The following EIF4G3 variants were observed in gnomAD, a reference collection of about 807,000 sequenced individuals.
EIF4G3 encodes eIF-4-gamma 3.
In EIF4G3, 34 loss-of-function variants were observed where a neutral mutation model predicts 186.4. The observed-to-expected ratio is 0.18, with a 90% confidence interval of 0.14 to 0.24. The LOEUF is 0.24. EIF4G3 is among the 10% of genes least tolerant of loss of function. The probability of loss-of-function intolerance (pLI) is 1.00; values close to 1 mark genes in which losing one functional copy is unlikely to be tolerated. For synonymous variants in EIF4G3, 673 were observed against 679.5 expected (o/e 0.99, Z 0.15); for missense variants, 1,536 against 1,948.5 (o/e 0.79, Z 3.99).
chr1:21,122,379 C>T (rs975194334), intron 2 of EIF4G3, among the ~76,000 whole-genome samples: 2 of 152,168 alleles, frequency 1.3e-5, no homozygotes, highest in African/African-American at 4.8e-5. Flanking sequence ...TAATTTCTAT[C>T]CTCCCATATA....
Position 20,925,170 on chromosome 1 carries a change from T to C in EIF4G3, c.1663+16321A>G, listed in dbSNP as rs573529073. On this transcript the variant is annotated intron_variant, in intron 14 of 36. Transcript: ENST00000602326. ...TCCTTTATTTATACTATACGTACTG[T>C]TTTACACCTTGGTATGGCTTTAAAA... is the stretch of plus-strand genomic sequence containing the variant. 1.0e-3 allele frequency among the ~76,000 whole-genome samples: 155 copies of C among 152,330 alleles called. 1 individual carries two copies. Among genetic ancestry groups the C allele is most frequent in the African/African-American group, 3.5e-3 (146 of 41,566 alleles).
chr1:21,108,443 T>C (rs774636838), intron 2 of EIF4G3, among the ~76,000 whole-genome samples: 3 of 152,202 alleles, frequency 2.0e-5, no homozygotes, highest in Non-Finnish European at 2.9e-5. Flanking sequence ...AGGAGGGGAA[T>C]GTTGATAAAA....
chr1:21,077,915 C>T (rs1055695034), intron 3 of EIF4G3, among the ~76,000 whole-genome samples: 5 of 151,194 alleles, frequency 3.3e-5, no homozygotes, highest in African/African-American at 9.7e-5. Context: ...AAGACACTGC[C>T]GAGAAAGCAG....
intron 12 of EIF4G3, among the ~76,000 whole-genome samples, chr1:20,960,783 T>C (rs1391987724): frequency 6.6e-6 from 1 of 151,502 alleles, no homozygotes; most frequent in Non-Finnish European, 1.5e-5. Context: ...ACAGAAAATT[T>C]AACAATTCCG....
At chr1:21,033,238 A>G (rs2092895972) in intron 4 of EIF4G3, among the ~76,000 whole-genome samples, 1 of 152,222 alleles carries the variant, frequency 6.6e-6, no homozygotes, top group Admixed American at 6.5e-5. Context: ...TAAATCACAC[A>G]TAATAAATAC....
At chr1:20,848,489 T>C (rs1041114551) in intron 29 of EIF4G3, among the ~76,000 whole-genome samples, 13 of 152,300 alleles carry the variant, frequency 8.5e-5, no homozygotes, top group African/African-American at 3.1e-4. Context: ...AGTGGAGTTA[T>C]TTGTTTATGG....
intron 11 of EIF4G3, among the ~76,000 whole-genome samples, chr1:20,970,689 C>T (rs761873935): frequency 2.6e-5 from 4 of 151,870 alleles, no homozygotes; most frequent in Admixed American, 1.3e-4. Context: ...TCTGGCCGGG[C>T]GCAGTGGCTC....
At chr1:20,815,526 G>A (rs1308983819) in intron 34 of EIF4G3, among the ~76,000 whole-genome samples, 7 of 151,882 alleles carry the variant, frequency 4.6e-5, no homozygotes, top group Non-Finnish European at 1.5e-5. Context: ...TCTGAGAAGT[G>A]AGGAAACCCT....
intron 12 of EIF4G3, among the ~76,000 whole-genome samples, chr1:20,955,095 T>G (rs896887424): frequency 7.2e-5 from 11 of 152,092 alleles, no homozygotes; most frequent in Non-Finnish European, 1.3e-4. Flanking sequence ...GAATCTGGTG[T>G]GAAATGAGGC....
intron 4 of EIF4G3, among the ~76,000 whole-genome samples, chr1:21,047,134 G>A (rs1384996494): frequency 6.6e-6 from 1 of 152,070 alleles, no homozygotes; most frequent in African/African-American, 2.4e-5. Context: ...GCCAGCCCTA[G>A]AACCTATGGT....
At chr1:20,836,311 G>A (rs772362553) in intron 30 of EIF4G3, among the ~76,000 whole-genome samples, 3 of 151,922 alleles carry the variant, frequency 2.0e-5, no homozygotes, top group South Asian at 2.1e-4. Flanking sequence ...TGATGCTCTC[G>A]CAGTTCACTA....
chr1:21,106,949 T>C lies in EIF4G3; in HGVS notation c.-271-17736A>G, dbSNP rs897610363. ...ACAAGGGCAACTTACCTATCAGCCC[T>C]ACAGAAAACCAGAGAATCAAGTTTT... is the stretch of plus-strand genomic sequence containing the variant. On this transcript the variant is annotated intron_variant, in intron 2 of 36. Coordinates refer to ENST00000602326, the MANE Select transcript of EIF4G3 (RefSeq NM_001391906.1). 2.6e-5 allele frequency among the ~76,000 whole-genome samples: 4 copies of C among 152,128 alleles called. No homozygotes were observed. The East Asian group carries it at 7.7e-4, about 29-fold the overall frequency.
intron 30 of EIF4G3, among the ~76,000 whole-genome samples, chr1:20,839,031 T>G (rs1466328625): frequency 6.6e-6 from 1 of 152,022 alleles, no homozygotes; most frequent in African/African-American, 2.4e-5. Context: ...CAGAATGGAG[T>G]GCAGTGGCGC....
Position 20,985,499 on chromosome 1 carries a change from G to A in EIF4G3, c.178-3091C>T, listed in dbSNP as rs77022995. On this transcript the variant is annotated intron_variant, in intron 7 of 36. Coordinates refer to ENST00000602326, the MANE Select transcript of EIF4G3 (RefSeq NM_001391906.1). ...CACCAGAAGAGATTCTAGAAAAGCC[G>A]TAATGACTAGAAATGCAAAAAAAAA... is the stretch of plus-strand genomic sequence containing the variant. Among the ~76,000 whole-genome samples, 4 of 147,044 alleles carry A rather than the reference G, an allele frequency of 2.7e-5. No individual in the cohort carries two copies. In the East Asian group the frequency reaches 7.9e-4, roughly 29 times the overall value.
At chr1:21,026,111 G>GA (rs1557593002) in intron 4 of EIF4G3, among the ~76,000 whole-genome samples, 1 of 151,964 alleles carries the variant, frequency 6.6e-6, no homozygotes, top group Non-Finnish European at 1.5e-5. Flanking sequence ...TAGCTGAAAA[G>GA]AAAAAAGCTG....
rs754649257 is a variant in EIF4G3 at position 21,002,774 on chromosome 1, G to A, written c.-32C>T. The A allele has an allele frequency of 1.1e-5, 17 of 1,613,510 alleles. No individual in the cohort carries two copies. The highest frequency in any genetic ancestry group is 1.4e-5 in the Non-Finnish European group (17 of 1,179,704). On this transcript the variant is annotated 5_prime_UTR_variant, in exon 5 of 37. Coordinates refer to ENST00000602326, the MANE Select transcript of EIF4G3 (RefSeq NM_001391906.1). Reference sequence around the variant, plus strand: ...AGGGGTTTGAGGGTATACCAGCGTGGTTGGACCTGCATTCTGTCCAGAGGG... The same window carrying A: ...AGGGGTTTGAGGGTATACCAGCGTGATTGGACCTGCATTCTGTCCAGAGGG...
intron 10 of EIF4G3, among the ~76,000 whole-genome samples, chr1:20,974,255 A>G (rs1005453515): frequency 2.6e-5 from 4 of 152,204 alleles, no homozygotes; most frequent in African/African-American, 9.7e-5. Flanking sequence ...AACAACATTT[A>G]AACAAGACTA....
intron 19 of EIF4G3, among the ~76,000 whole-genome samples, chr1:20,880,443 C>G (rs776055474): frequency 6.6e-6 from 1 of 152,158 alleles, no homozygotes; most frequent in Non-Finnish European, 1.5e-5. Context: ...CCAAAATCTA[C>G]AAAATATTTA....
intron 2 of EIF4G3, among the ~76,000 whole-genome samples, chr1:21,164,196 AT>A (rs1156619777): frequency 2.0e-5 from 3 of 152,224 alleles, no homozygotes; most frequent in Non-Finnish European, 4.4e-5. Context: ...AAACCTAAGA[AT>A]TTGTAACTCA....
Sources: gnomAD v4.1 joint callset for allele counts (sites outside exome capture counted in the v4.1 genomes callset) on GRCh38, gnomAD v4.1.1 for gene constraint, MANE v1.5 for transcripts, NCBI Gene and HGNC (gene_info 2026-07-23, HGNC 2026-07-21) for gene names.